The following ROS1 variants were observed in gnomAD, a reference collection of about 807,000 sequenced individuals.
The protein encoded by ROS1 is ROS proto-oncogene 1, receptor tyrosine kinase.
A neutral mutation model predicts 273.5 loss-of-function variants in ROS1; 263 were observed. The ratio of observed to expected loss-of-function variants is 0.96; its 90% CI spans 0.87 to 1.06. The LOEUF is 1.06. ROS1 is among the 50% of genes least tolerant of loss of function. The pLI, the probability that ROS1 is intolerant of heterozygous loss-of-function variation, is 0.00. For missense variants in ROS1, 2,833 were observed against 2,751.1 expected (o/e 1.03, Z -0.67); for synonymous variants, 1,008 against 954.1 (o/e 1.06, Z -1.04).
intron 42 of ROS1, among the ~76,000 whole-genome samples, chr6:117,306,504 G>T (rs544886018): frequency 6.6e-6 from 1 of 152,276 alleles, no homozygotes; most frequent in East Asian, 1.9e-4. Context: ...AATCCTGATG[G>T]CTGGGCTTTC....
chr6:117,359,805 A>G lies in ROS1; in HGVS notation c.3633+4T>C. 1 of 1,611,314 alleles carries G rather than the reference A, an allele frequency of 6.2e-7. No homozygotes were observed. On this transcript the variant is annotated splice_donor_region_variant and intron_variant, in intron 24 of 43. Coordinates refer to ENST00000368507, the MANE Select transcript of ROS1 (RefSeq NM_001378902.1). ...TATTTCGGAAGAATTACATAGTGAAATACCTCAGAGCTAGAGCGATTGTGC... is the reference window on the plus strand; with the variant it reads ...TATTTCGGAAGAATTACATAGTGAAGTACCTCAGAGCTAGAGCGATTGTGC...
chr6:117,359,814 A>C lies in ROS1; in HGVS notation c.3628T>G (p.Ser1210Ala). Residue 1210 changes from serine to alanine, a missense_variant, in exon 24 of 44, where the codon TCT becomes GCT. Ser to Ala is a moderately conservative substitution (Grantham distance 99). Transcript: ENST00000368507. ...FLLHLHNRSS[S>A]ELFQDSLVFD... ...AGAATTACATAGTGAAATACCTCAG[A>C]GCTAGAGCGATTGTGCAAGTGCAGA... The C allele has an allele frequency of 6.2e-7, 1 of 1,612,838 alleles. No individual in the cohort carries two copies. Among genetic ancestry groups the C allele is most frequent in the South Asian group, 1.1e-5 (1 of 91,064 alleles).
chr6:117,342,240 G>C (rs3756892), intron 29 of ROS1, among the ~76,000 whole-genome samples, 160 bp downstream of exon 29: 3,044 of 152,006 alleles, frequency 0.02, 68 homozygotes, highest in East Asian at 0.06. Context: ...TTAGAGTAAG[G>C]GTCAGGTCAA....
At chr6:117,335,291 A>C (rs1288650823) in intron 32 of ROS1, among the ~76,000 whole-genome samples, 1 of 152,354 alleles carries the variant, frequency 6.6e-6, no homozygotes. Flanking sequence ...ACAATGAGAT[A>C]CCATCTCACG....
rs1463744260 is a variant in ROS1 at position 117,362,751 on chromosome 6, A to T, written c.3218T>A (p.Val1073Glu). The change falls in exon 22 of 44, where the codon GTG (valine) becomes GAG (glutamate). Residue 1073 changes from valine to glutamate, a missense_variant. Val to Glu is a moderately radical substitution (Grantham distance 121). Coordinates refer to ENST00000368507, the MANE Select transcript of ROS1 (RefSeq NM_001378902.1). Reference sequence around the variant, plus strand: ...GTAGAAAATTTCAAATTTTGTTAACACCCCATTTTCATGCTTAGGTTTGTT... The same window carrying T: ...GTAGAAAATTTCAAATTTTGTTAACTCCCCATTTTCATGCTTAGGTTTGTT... ...RWNKPKHENGVLTKFEIFYNI... is the reference protein window; with the variant it reads ...RWNKPKHENGELTKFEIFYNI... The T allele has an allele frequency of 6.2e-7, 1 of 1,613,698 alleles. No individual in the cohort carries two copies. Among genetic ancestry groups the T allele is most frequent in the Non-Finnish European group, 8.5e-7 (1 of 1,179,772 alleles).
intron 18 of ROS1, among the ~76,000 whole-genome samples, chr6:117,376,586 T>A (rs1278129205): frequency 6.6e-6 from 1 of 152,100 alleles, no homozygotes. Context: ...TACAAAGTCA[T>A]ATACAAAAAG....
Position 117,288,545 on chromosome 6 carries a change from C to T in ROS1, c.6973G>A (p.Gly2325Ser). The T allele has an allele frequency of 1.9e-6, 3 of 1,614,160 alleles. No individual in the cohort carries two copies. Among genetic ancestry groups the T allele is most frequent in the Non-Finnish European group, 2.5e-6 (3 of 1,180,028 alleles). ...TGAGTGAGACAGGCATAGTTCAGGC[C>T]TTCAGGCTTGCCAGAAGGGCAGTAA... ...VAYCPSGKPE[G>S]LNYACLTHSG... The change falls in exon 44 of 44, where the codon GGC becomes AGC. Residue 2325 changes from glycine to serine, a missense_variant. Physicochemically the swap from Gly to Ser is moderately conservative, Grantham distance 56. Coordinates refer to ENST00000368507, the MANE Select transcript of ROS1 (RefSeq NM_001378902.1).
chr6:117,358,795 C>T (rs1779540850), intron 24 of ROS1, among the ~76,000 whole-genome samples: 1 of 152,014 alleles, frequency 6.6e-6, no homozygotes. Flanking sequence ...AGTTTGTCAT[C>T]TCCTTTCTCA....
At position 117,288,678 on chromosome 6, in the gene ROS1, T is replaced by C. The variant is rs1388287411; in HGVS notation, c.6840A>G (p.Glu2280=). The C allele has an allele frequency of 1.9e-6, 3 of 1,614,162 alleles. No individual in the cohort carries two copies. In the Admixed American group the frequency reaches 5.0e-5, roughly 27 times the overall value. The change falls in exon 44 of 44, where the codon GAA becomes GAG. Residue 2280 remains glutamate (E), a synonymous_variant. Transcript: ENST00000368507. ...GGGAGCCTAGAGGACCCTCAGACTT[T>C]TCTTCACCTTGGCCACATTCTGTAG... The part of the protein sequence containing the change: ...VLATECGQGE[E]KSEGPLGSQE...
chr6:117,358,939 C>T (rs142115970), intron 24 of ROS1, among the ~76,000 whole-genome samples: 2 of 152,162 alleles, frequency 1.3e-5, no homozygotes, highest in African/African-American at 2.4e-5. Flanking sequence ...TTCTAAAACA[C>T]AACTTGACCA....
intron 15 of ROS1, 54 bp from the exon 16 acceptor site, chr6:117,385,915 A>C (rs761211937): frequency 1.4e-4 from 202 of 1,429,428 alleles, no homozygotes; most frequent in Non-Finnish European, 1.8e-4. Flanking sequence ...CAACAAAAAC[A>C]TAATGAGTCA....
chr6:117,322,259 T>C (rs901320531), intron 35 of ROS1, among the ~76,000 whole-genome samples: 1 of 152,120 alleles, frequency 6.6e-6, no homozygotes, highest in African/African-American at 2.4e-5. Context: ...TTTTTCCAAC[T>C]TGAAATGTTC....
chr6:117,395,364 A>G (rs1341768222), intron 9 of ROS1, among the ~76,000 whole-genome samples: 1 of 152,174 alleles, frequency 6.6e-6, no homozygotes, highest in African/African-American at 2.4e-5. Context: ...CTTCTTACAT[A>G]ACAAAAATAC....
At position 117,337,206 on chromosome 6, in the gene ROS1, A is replaced by C. The variant is rs1777544837; in HGVS notation, c.5196T>G (p.Asn1732Lys). The C allele has an allele frequency of 6.2e-7, 1 of 1,612,282 alleles. No individual in the cohort carries two copies. Among genetic ancestry groups the C allele is most frequent in the Non-Finnish European group, 8.5e-7 (1 of 1,179,048 alleles). Residue 1732 changes from asparagine to lysine, a missense_variant, in exon 32 of 44, where the codon AAT (asparagine) becomes AAG (lysine). Coordinates refer to ENST00000368507, the MANE Select transcript of ROS1 (RefSeq NM_001378902.1). ...TAAAGCTTTCTGGAAGTGAGGTGCT[A>C]TTTTCTCCCGTCTTATAAACCACCA... ...RVVVVYKTGE[N>K]STSLPESFKT...
intron 27 of ROS1, among the ~76,000 whole-genome samples, chr6:117,347,994 A>G (rs1391362211): frequency 6.6e-6 from 1 of 152,044 alleles, no homozygotes; most frequent in Non-Finnish European, 1.5e-5. Flanking sequence ...GACTTTTGCA[A>G]TTCTTGCAAT....
intron 27 of ROS1, 60 bp downstream of exon 27, chr6:117,352,928 TTA>T: frequency 6.8e-7 from 1 of 1,470,374 alleles, no homozygotes; most frequent in Non-Finnish European, 9.4e-7. Context: ...GAAGGAGATG[TTA>T]TGAGATTTTT....
chr6:117,320,154 G>T (rs528020959), intron 36 of ROS1, 124 bp from the exon 37 acceptor site: 10 of 819,640 alleles, frequency 1.2e-5, no homozygotes, highest in Admixed American at 5.5e-5. Flanking sequence ...AGTATTGTGT[G>T]TTTTATGTGA....
At chr6:117,418,067 C>T (rs1775468768) in intron 2 of ROS1, among the ~76,000 whole-genome samples, 1 of 152,160 alleles carries the variant, frequency 6.6e-6, no homozygotes, top group Non-Finnish European at 1.5e-5. Flanking sequence ...CTTGTGCATG[C>T]TTATACCTTA....
At position 117,357,697 on chromosome 6, in the gene ROS1, CA is replaced by C. The variant is rs1779439132; in HGVS notation, c.3839+106del. 9.6e-6 allele frequency: 7 copies of C among 728,354 alleles called. No homozygotes were observed. In the South Asian group the frequency reaches 1.4e-4, roughly 14 times the overall value. The allele number at this position is 728,354 out of a possible 1,614,324, so 45.1% of individuals were successfully genotyped here. On this transcript the variant is annotated intron_variant, in intron 25 of 43. Coordinates refer to ENST00000368507, the MANE Select transcript of ROS1 (RefSeq NM_001378902.1). Reference sequence around the variant, plus strand: ...AATATAGTGGGCCAAGAGCCCTAAGCATCTTATTTTTCCATAATTGTCTTCT... The same window carrying C: ...AATATAGTGGGCCAAGAGCCCTAAGCTCTTATTTTTCCATAATTGTCTTCT...
Sources: gnomAD v4.1 joint callset for allele counts (sites outside exome capture counted in the v4.1 genomes callset) on GRCh38, gnomAD v4.1.1 for gene constraint, MANE v1.5 for transcripts, NCBI Gene and HGNC (gene_info 2026-07-23, HGNC 2026-07-21) for gene names.